RADIL: variants seen among roughly 807,000 people sequenced by gnomAD.
RADIL encodes the protein Rap associating with DIL domain, also known as ras-associating and dilute domain-containing protein.
Under a neutral mutation model 97.6 loss-of-function variants are expected in RADIL, and 99 were observed. The ratio of observed to expected loss-of-function variants is 1.01; its 90% CI spans 0.86 to 1.20. RADIL has a LOEUF of 1.20. Among genes scored for constraint, RADIL ranks in the 50% most tolerant of loss-of-function variants. RADIL has a pLI of 0.00. For missense variants in RADIL, 1,765 were observed against 1,498.9 expected (o/e 1.18, Z -2.93); for synonymous variants, 803 against 691.8 (o/e 1.16, Z -2.52).
At position 4,834,381 on chromosome 7, in the gene RADIL, C is replaced by T. The variant is rs1043114019; in HGVS notation, c.1416+226G>A. Among the ~76,000 whole-genome samples the T allele has an allele frequency of 1.1e-4, 17 of 152,180 alleles. No individual in the cohort carries two copies. The highest frequency in any genetic ancestry group is 4.1e-4 in the African/African-American group (17 of 41,438). On this transcript the variant is annotated intron_variant, in intron 4 of 14. Transcript: ENST00000399583. The surrounding 1 kb of genome is among the most constrained non-coding windows in gnomAD (Gnocchi z 6.0). ...CCTAGGACCCCACGCAAACCCCACC[C>T]TCAGGGGCAAAGGGCTGCAGCTGAC... is the stretch of plus-strand genomic sequence containing the variant.
rs373193583 is a variant in RADIL, at chr7:4,801,783, C to G, written c.2712G>C (p.Thr904=). The G allele has an allele frequency of 5.0e-6, 8 of 1,610,136 alleles. No homozygotes were observed. The African/African-American group carries it at 9.3e-5, about 19-fold the overall frequency. ...PPHTDSSCLL[T]PPSTPLGPEP... ...CAGGGCCAAGTGGAGTGCTGGGAGG[C>G]GTGAGCAAGCAGGACGAGTCCGTGT... is the stretch of plus-strand genomic sequence containing the variant. The change falls in exon 12 of 15, where the codon ACG becomes ACC. Residue 904 remains threonine (T), a synonymous_variant. Coordinates refer to ENST00000399583, the MANE Select transcript of RADIL (RefSeq NM_018059.5).
At chr7:4,820,757 G>A (rs1324784433) in intron 6 of RADIL, among the ~76,000 whole-genome samples, 3 of 152,112 alleles carry the variant, frequency 2.0e-5, no homozygotes, top group East Asian at 1.9e-4. Flanking sequence ...TGTTCCACGC[G>A]CCCTCAGTCC....
chr7:4,861,969 C>A, intron 2 of RADIL: 1 of 462,936 alleles, frequency 2.2e-6, no homozygotes, highest in Non-Finnish European at 3.8e-6. Context: ...TCAGGAGCTT[C>A]TCCTCCTTCC....
Position 4,879,036 on chromosome 7 carries a change from C to T in RADIL, c.-64-833G>A, listed in dbSNP as rs1784430604. Among the ~76,000 whole-genome samples, 2 of 152,238 alleles carry T rather than the reference C, an allele frequency of 1.3e-5. No homozygotes were observed. Among genetic ancestry groups the T allele is most frequent in the South Asian group, 4.1e-4 (2 of 4,832 alleles). The stretch of plus-strand genomic sequence containing the variant: ...AATCTACCCCTCAGGGCAAGAGACC[C>T]GTCCTGGCTTGAAGGAGATACTCCC... On this transcript the variant is annotated intron_variant, in intron 1 of 14. Transcript: ENST00000399583. The surrounding 1 kb of genome is among the most constrained non-coding windows in gnomAD (Gnocchi z 4.1).
At chr7:4,828,999 A>T (rs146457684) in intron 5 of RADIL, among the ~76,000 whole-genome samples, 45 of 152,042 alleles carry the variant, frequency 3.0e-4, no homozygotes, top group Non-Finnish European at 5.4e-4. Context: ...GGCTGGGTAC[A>T]CTCCCATCCC....
At position 4,800,292 on chromosome 7, in the gene RADIL, G is replaced by A. The variant is rs202055380; in HGVS notation, c.2861C>T (p.Ala954Val). The change falls in exon 13 of 15, where the codon GCG becomes GTG. Residue 954 changes from alanine to valine, a missense_variant. Physicochemically the swap from Ala to Val is moderately conservative, Grantham distance 64. Coordinates refer to ENST00000399583, the MANE Select transcript of RADIL (RefSeq NM_018059.5). The part of the protein sequence containing the change: ...AAPEGDSAAL[A>V]EESPPAPSSR... ...GGACGGGGCTGGAGGGGACTCCTCC[G>A]CAAGGGCTGCAGAGTCTCCTGGGTG... The A allele has an allele frequency of 3.0e-3, 4,423 of 1,495,340 alleles. 14 individuals carry two copies. Among genetic ancestry groups the A allele is most frequent in the Non-Finnish European group, 3.6e-3 (4,035 of 1,124,166 alleles). 92.6% of individuals were successfully genotyped at this position (1,495,340 alleles called of 1,614,324 possible).
chr7:4,810,610 AT>A (rs1473780117), intron 9 of RADIL, among the ~76,000 whole-genome samples: 3 of 152,212 alleles, frequency 2.0e-5, no homozygotes, highest in Non-Finnish European at 1.5e-5. Flanking sequence ...CACTGGAAGC[AT>A]CCCTAAGCGG....
Position 4,879,858 on chromosome 7 carries a change from C to T in RADIL, c.-64-1655G>A, listed in dbSNP as rs888596160. Among the ~76,000 whole-genome samples the T allele has an allele frequency of 6.6e-6, 1 of 152,216 alleles. No homozygotes were observed. The highest frequency in any genetic ancestry group is 2.4e-5 in the African/African-American group (1 of 41,452). Reference sequence around the variant, plus strand: ...TCATCTTCTCTGGAGCCTCTCACTGCCCGCCAGAGCTGTCATGGGTGAGTC... The same window carrying T: ...TCATCTTCTCTGGAGCCTCTCACTGTCCGCCAGAGCTGTCATGGGTGAGTC... On this transcript the variant is annotated intron_variant, in intron 1 of 14. Transcript: ENST00000399583. The surrounding 1 kb of genome is among the most constrained non-coding windows in gnomAD (Gnocchi z 4.1).
chr7:4,805,416 G>C (rs1249894117), intron 10 of RADIL, 150 bp downstream of exon 10: 5 of 958,212 alleles, frequency 5.2e-6, no homozygotes, highest in Admixed American at 2.9e-5. Context: ...GGGCGGGGGG[G>C]TCCTCTGGGT....
intron 11 of RADIL, among the ~76,000 whole-genome samples, chr7:4,802,678 C>A (rs1429797524): frequency 2.6e-5 from 3 of 115,580 alleles, no homozygotes; most frequent in Non-Finnish European, 3.7e-5. Flanking sequence ...GCCCCCTCCC[C>A]GGGTACCTCG....
Position 4,803,567 on chromosome 7 carries a change from G to A in RADIL, c.2478C>T (p.Ala826=), listed in dbSNP as rs1782191363. 6.5e-7 allele frequency: 1 copy of A among 1,544,568 alleles called. No individual in the cohort carries two copies. Among genetic ancestry groups the A allele is most frequent in the African/African-American group, 1.4e-5 (1 of 72,696 alleles). ...GTACCTCGGGGCACACTGGCTGGGA[G>A]GCCCCACTGCCAGGCCTGCCAGGGC... ...PGSPGRPGSG[A]SQPVCPEGMH... The change falls in exon 11 of 15, where the codon GCC becomes GCT. Residue 826 remains alanine (A), a synonymous_variant. Transcript: ENST00000399583.
At chr7:4,809,666 T>C (rs1156862120) in intron 9 of RADIL, 1 of 946,336 alleles carries the variant, frequency 1.1e-6, no homozygotes, top group Non-Finnish European at 1.3e-6. Context: ...ATTTTATTTA[T>C]TTATTTATTT....
At position 4,821,263 on chromosome 7, in the gene RADIL, C is replaced by A. The variant is rs1782823402; in HGVS notation, c.1615+1131G>T. 6.6e-6 allele frequency among the ~76,000 whole-genome samples: 1 copy of A among 152,216 alleles called. No homozygotes were observed. The highest frequency in any genetic ancestry group is 1.5e-5 in the Non-Finnish European group (1 of 68,030). ...GCACTGTGCCCGCCTGACAGCCCACCCCACAGATGTGAGGGCAGTGGGTGG... is the reference window on the plus strand; with the variant it reads ...GCACTGTGCCCGCCTGACAGCCCACACCACAGATGTGAGGGCAGTGGGTGG... On this transcript the variant is annotated intron_variant, in intron 6 of 14. Coordinates refer to ENST00000399583, the MANE Select transcript of RADIL (RefSeq NM_018059.5). The surrounding 1 kb of genome is among the most constrained non-coding windows in gnomAD (Gnocchi z 5.2).
At chr7:4,856,359 C>T (rs1482493210) in intron 2 of RADIL, among the ~76,000 whole-genome samples, 1 of 152,226 alleles carries the variant, frequency 6.6e-6, no homozygotes, top group Non-Finnish European at 1.5e-5. Context: ...ATCCACCCGC[C>T]TCGACCTCCC....
In RADIL at chr7:4,813,100, CTTTCCTTTCTT is replaced by C. The variant is rs1782589232; in HGVS notation, c.2139+2167_2139+2177del. 2.7e-5 allele frequency among the ~76,000 whole-genome samples: 4 copies of C among 149,216 alleles called. No individual in the cohort carries two copies. Among genetic ancestry groups the C allele is most frequent in the African/African-American group, 1.0e-4 (4 of 39,970 alleles). On this transcript the variant is annotated intron_variant, in intron 9 of 14. Transcript: ENST00000399583. This position sits in a 1 kb window ranked among gnomAD's most constrained non-coding sequence, Gnocchi z 5.0. ...TCTCTCTCTCTCTCTCTCTCTCTCT[CTTTCCTTTCTT>C]TCTTTCTTTTCTTTCTTTCATAGTT...
At chr7:4,869,327 T>A (rs1326444828) in intron 2 of RADIL, among the ~76,000 whole-genome samples, 1 of 151,988 alleles carries the variant, frequency 6.6e-6, no homozygotes. Flanking sequence ...AGAGACAGAG[T>A]CTCATTATGT....
intron 4 of RADIL, 79 bp from the exon 5 acceptor site, chr7:4,832,257 C>A: frequency 1.4e-6 from 2 of 1,414,570 alleles, no homozygotes; most frequent in Non-Finnish European, 2.0e-6. Flanking sequence ...ACGATACCAT[C>A]GACAGGAAAA....
intron 2 of RADIL, among the ~76,000 whole-genome samples, chr7:4,848,769 T>A (rs891609958): frequency 9.9e-5 from 15 of 152,268 alleles, no homozygotes; most frequent in Middle Eastern, 3.4e-3. Context: ...TAAGTTCTCA[T>A]TTTCCACTGA....
At position 4,847,739 on chromosome 7, in the gene RADIL, C is replaced by CAA. The variant is rs56177809; in HGVS notation, c.536-11136_536-11135dup. Among the ~76,000 whole-genome samples the CAA allele has an allele frequency of 5.2e-3, 123 of 23,804 alleles. 30 individuals are homozygous for CAA. Among genetic ancestry groups the CAA allele is most frequent in the African/African-American group, 0.012 (77 of 6,398 alleles). The allele number at this position is 23,804 out of a possible 152,430, so 15.6% of individuals were successfully genotyped here. ...TATGCTACGTGAAAAAAGCTAGATGCAAAAAAAAAAAAAAAAAAAAAAAAA... is the reference window on the plus strand; with the variant it reads ...TATGCTACGTGAAAAAAGCTAGATGCAAAAAAAAAAAAAAAAAAAAAAAAAAA... On this transcript the variant is annotated intron_variant, in intron 2 of 14. Transcript: ENST00000399583.
Sources: gnomAD v4.1 joint callset for allele counts (sites outside exome capture counted in the v4.1 genomes callset) on GRCh38, gnomAD v4.1.1 for gene constraint, Gnocchi (gnomAD v3.1) non-coding constraint, MANE v1.5 for transcripts, NCBI Gene and HGNC (gene_info 2026-07-23, HGNC 2026-07-21) for gene names.